PDZRN4: variants seen among roughly 807,000 people sequenced by gnomAD.
PDZRN4 encodes the protein PDZ domain-containing RING finger protein 4.
Under a neutral mutation model 99.0 loss-of-function variants are expected in PDZRN4, and 70 were observed. That is an observed-to-expected ratio of 0.71 (90% CI 0.58 to 0.86). The LOEUF (loss-of-function observed/expected upper bound fraction) is 0.86, where lower values mean the gene tolerates loss of function less well. Ranked by LOEUF, PDZRN4 falls within the 40% of genes least tolerant of loss-of-function variation. PDZRN4 has a pLI of 0.00. For synonymous variants in PDZRN4, 551 were observed against 501.6 expected (o/e 1.10, Z -1.32); for missense variants, 1,474 against 1,331.2 (o/e 1.11, Z -1.67).
chr12:41,210,777 G>T (rs923258807), intron 3 of PDZRN4, among the ~76,000 whole-genome samples: 3 of 151,922 alleles, frequency 2.0e-5, no homozygotes, highest in African/African-American at 7.2e-5. Flanking sequence ...TGTATTTCCT[G>T]TCATGGATTG....
chr12:41,482,629 T>C (rs2120603729), intron 3 of PDZRN4, among the ~76,000 whole-genome samples: 1 of 152,258 alleles, frequency 6.6e-6, no homozygotes, highest in Non-Finnish European at 1.5e-5. Context: ...TTAGAGACAT[T>C]AGGGCATTAT....
chr12:41,303,879 T>TA (rs1332747678), intron 3 of PDZRN4, among the ~76,000 whole-genome samples: 2 of 152,194 alleles, frequency 1.3e-5, no homozygotes, highest in Non-Finnish European at 2.9e-5. Context: ...GGAGGTTGTT[T>TA]ATCACAGACA....
intron 5 of PDZRN4, among the ~76,000 whole-genome samples, chr12:41,511,032 T>C (rs1938295920): frequency 6.6e-6 from 1 of 152,166 alleles, no homozygotes; most frequent in African/African-American, 2.4e-5. Flanking sequence ...ACAATATCCA[T>C]TGCTTTGTCT....
chr12:41,329,549 G>A (rs1269406725), intron 3 of PDZRN4, among the ~76,000 whole-genome samples: 1 of 152,020 alleles, frequency 6.6e-6, no homozygotes, highest in Non-Finnish European at 1.5e-5. Context: ...AGTCAGTTCA[G>A]CATATTGTTT....
At chr12:41,231,695 G>A (rs191089675) in intron 3 of PDZRN4, among the ~76,000 whole-genome samples, 1 of 151,954 alleles carries the variant, frequency 6.6e-6, no homozygotes, top group African/African-American at 2.4e-5. Flanking sequence ...TATTTTATAG[G>A]GCCCAGCCCT....
chr12:41,189,627 C>T (rs1201164923), intron 1 of PDZRN4, among the ~76,000 whole-genome samples: 1 of 152,152 alleles, frequency 6.6e-6, no homozygotes, highest in African/African-American at 2.4e-5. Flanking sequence ...GAATCAACTG[C>T]CTTCTATTAA....
chr12:41,274,973 G>A (rs1951340689), intron 3 of PDZRN4, among the ~76,000 whole-genome samples: 1 of 152,090 alleles, frequency 6.6e-6, no homozygotes, highest in Non-Finnish European at 1.5e-5. Context: ...GTAGATTCAG[G>A]CCCAAGAGCT....
At chr12:41,514,364 A>G (rs1257196682) in intron 5 of PDZRN4, among the ~76,000 whole-genome samples, 1 of 152,096 alleles carries the variant, frequency 6.6e-6, no homozygotes, top group East Asian at 1.9e-4. Context: ...TGAGACTTTA[A>G]GTATATAATC....
chr12:41,463,980 C>T (rs536141194), intron 3 of PDZRN4, among the ~76,000 whole-genome samples: 1 of 152,302 alleles, frequency 6.6e-6, no homozygotes, highest in African/African-American at 2.4e-5. Context: ...GGAGGTACAA[C>T]AGCTCTGGGG....
At chr12:41,331,139 A>C (rs1227324619) in intron 3 of PDZRN4, among the ~76,000 whole-genome samples, 1 of 152,122 alleles carries the variant, frequency 6.6e-6, no homozygotes, top group Non-Finnish European at 1.5e-5. Context: ...CAATCATAAT[A>C]AATTCAGAGG....
chr12:41,373,609 C>A (rs1037556273), intron 3 of PDZRN4, among the ~76,000 whole-genome samples: 1 of 152,114 alleles, frequency 6.6e-6, no homozygotes. Flanking sequence ...TTATCCTGTT[C>A]TTTTTTCAAG....
rs377464399 is a variant in PDZRN4 at position 41,473,906 on chromosome 12, A to G, written c.844-32550A>G. On this transcript the variant is annotated intron_variant, in intron 3 of 9. Coordinates refer to ENST00000402685, the MANE Select transcript of PDZRN4 (RefSeq NM_001164595.2). ...ATTTTTAGGAAAGTCTTTGAGAATC[A>G]GAGTTTTTAGGAAAAACCTTCACTG... Among the ~76,000 whole-genome samples the G allele has an allele frequency of 1.8e-4, 28 of 152,382 alleles. No homozygotes were observed. The East Asian group carries it at 4.6e-3, about 25-fold the overall frequency.
intron 3 of PDZRN4, among the ~76,000 whole-genome samples, chr12:41,418,746 G>C (rs906580230): frequency 6.6e-6 from 1 of 152,126 alleles, no homozygotes; most frequent in Non-Finnish European, 1.5e-5. Flanking sequence ...AGGAAGTGTT[G>C]ATCTATTGCC....
At chr12:41,404,749 A>G (rs558661663) in intron 3 of PDZRN4, among the ~76,000 whole-genome samples, 2 of 152,006 alleles carry the variant, frequency 1.3e-5, no homozygotes, top group South Asian at 4.2e-4. Flanking sequence ...TATACTAAAA[A>G]AAAAAAGAGC....
At chr12:41,356,308 A>T (rs978079653) in intron 3 of PDZRN4, among the ~76,000 whole-genome samples, 6 of 152,176 alleles carry the variant, frequency 3.9e-5, no homozygotes, top group African/African-American at 1.4e-4. Flanking sequence ...TGATTAAAAC[A>T]AGGGGAAGTT....
chr12:41,391,218 A>G (rs141488713), intron 3 of PDZRN4, among the ~76,000 whole-genome samples: 1 of 152,312 alleles, frequency 6.6e-6, no homozygotes, highest in African/African-American at 2.4e-5. Context: ...GGATGGAGGC[A>G]CTCTGTCAAT....
intron 3 of PDZRN4, among the ~76,000 whole-genome samples, chr12:41,346,606 A>G (rs1429259889): frequency 1.3e-5 from 2 of 152,188 alleles, no homozygotes; most frequent in South Asian, 2.1e-4. Flanking sequence ...TTAATATAGT[A>G]AATACAGATA....
chr12:41,555,667 C>G, intron 6 of PDZRN4, 31 bp from the exon 7 acceptor site: 2 of 1,540,978 alleles, frequency 1.3e-6, no homozygotes, highest in Non-Finnish European at 1.8e-6. Flanking sequence ...GTTTCATACC[C>G]AGTTGAAGAT....
chr12:41,300,178 GC>G (rs1177943938), intron 3 of PDZRN4, among the ~76,000 whole-genome samples: 1 of 151,832 alleles, frequency 6.6e-6, no homozygotes, highest in Admixed American at 6.6e-5. Context: ...GTGTTACATT[GC>G]TTTTGCATAG....
Sources: gnomAD v4.1 joint callset for allele counts (sites outside exome capture counted in the v4.1 genomes callset) on GRCh38, gnomAD v4.1.1 for gene constraint, MANE v1.5 for transcripts, NCBI Gene and HGNC (gene_info 2026-07-23, HGNC 2026-07-21) for gene names.